Variants in CTNNA3 observed in about 807,000 individuals in gnomAD.
CTNNA3 encodes the protein catenin alpha 3, also known as catenin alpha-3.
Under a neutral mutation model 95.7 loss-of-function variants are expected in CTNNA3, and 76 were observed. The observed-to-expected ratio is 0.79, with a 90% CI of 0.66 to 0.96. The LOEUF (loss-of-function observed/expected upper bound fraction) is 0.96, where lower values mean the gene tolerates loss of function less well. Among genes scored for constraint, CTNNA3 ranks in the 40% least tolerant of loss-of-function variants. The probability of loss-of-function intolerance (pLI) is 0.00; values close to 1 mark genes in which losing one functional copy is unlikely to be tolerated. For synonymous variants in CTNNA3, 431 were observed against 374.4 expected, an observed-to-expected ratio of 1.15 and a Z score of -1.74; for missense variants, 1,191 against 1,089.8, an observed-to-expected ratio of 1.09 and a Z score of -1.31.
At chr10:67,053,754 G>C (rs966631271) in intron 7 of CTNNA3, among the ~76,000 whole-genome samples, 1 of 152,052 alleles carries the variant, frequency 6.6e-6, no homozygotes, top group Non-Finnish European at 1.5e-5. Flanking sequence ...AGTATGAAAC[G>C]AATTCTGCTA....
intron 5 of CTNNA3, among the ~76,000 whole-genome samples, chr10:67,311,414 AC>A (rs2132526278): frequency 6.6e-6 from 1 of 152,298 alleles, no homozygotes; most frequent in East Asian, 1.9e-4. Flanking sequence ...AAAACCAAAT[AC>A]CTGAAAAACT....
chr10:67,701,158 C>A (rs990546460), upstream of CTNNA3, among the ~76,000 whole-genome samples: 1 of 152,150 alleles, frequency 6.6e-6, no homozygotes, highest in Admixed American at 6.5e-5. Flanking sequence ...ATTGGTGTAC[C>A]TGAAAGTGAT....
At chr10:67,049,424 A>C (rs1405718259) in intron 7 of CTNNA3, among the ~76,000 whole-genome samples, 1 of 152,178 alleles carries the variant, frequency 6.6e-6, no homozygotes, top group African/African-American at 2.4e-5. Context: ...AGCCACATAC[A>C]ACTATCAGTA....
At chr10:67,005,421 T>G (rs1851910446) in intron 7 of CTNNA3, among the ~76,000 whole-genome samples, 2 of 152,126 alleles carry the variant, frequency 1.3e-5, no homozygotes, top group African/African-American at 2.4e-5. Context: ...TTCATTGTAT[T>G]TCCTAATTCA....
chr10:66,577,414 A>G (rs1323997400), intron 10 of CTNNA3, among the ~76,000 whole-genome samples: 1 of 152,106 alleles, frequency 6.6e-6, no homozygotes, highest in Non-Finnish European at 1.5e-5. Flanking sequence ...GCCCATGTCC[A>G]GAATGGTATT....
At chr10:67,727,062 A>ATC (rs1841236641) in intron 1 of CTNNA3, among the ~76,000 whole-genome samples, 1 of 113,018 alleles carries the variant, frequency 8.8e-6, no homozygotes, top group African/African-American at 3.9e-5. Context: ...ATATAATTAT[A>ATC]TATAATATAT....
chr10:66,853,249 G>T (rs10997413), intron 7 of CTNNA3, among the ~76,000 whole-genome samples: 1 of 151,476 alleles, frequency 6.6e-6, no homozygotes. Flanking sequence ...GCAGCAGAGA[G>T]TATATGGCTC....
intron 13 of CTNNA3, among the ~76,000 whole-genome samples, chr10:66,251,923 A>C (rs1026533189): frequency 4.6e-5 from 7 of 152,180 alleles, no homozygotes; most frequent in African/African-American, 1.7e-4. Flanking sequence ...TGCCTAACAT[A>C]ATACAACTAC....
At chr10:66,055,996 A>C (rs1358286910) in intron 15 of CTNNA3, among the ~76,000 whole-genome samples, 1 of 150,414 alleles carries the variant, frequency 6.6e-6, no homozygotes, top group Non-Finnish European at 1.5e-5. Context: ...ATTTCTTTTC[A>C]ATTTGAATGA....
At chr10:67,218,143 A>G (rs973996671) in intron 6 of CTNNA3, among the ~76,000 whole-genome samples, 2 of 152,194 alleles carry the variant, frequency 1.3e-5, no homozygotes, top group African/African-American at 4.8e-5. Flanking sequence ...TCTGGTCCCA[A>G]GCATTTCAGA....
chr10:66,951,088 TACACACACACAC>T (rs3056558), intron 7 of CTNNA3, among the ~76,000 whole-genome samples: 6 of 146,066 alleles, frequency 4.1e-5, no homozygotes, highest in African/African-American at 1.5e-4. Context: ...TAACATTAAA[TACACACACACAC>T]ACACACACAC....
chr10:65,968,253 G>T (rs765949455), intron 16 of CTNNA3, among the ~76,000 whole-genome samples: 3 of 152,030 alleles, frequency 2.0e-5, no homozygotes, highest in Non-Finnish European at 4.4e-5. Context: ...TTAGCCAGGT[G>T]TGGTCCCAGC....
chr10:67,648,845 A>G, intron 1 of CTNNA3: 1 of 1,227,874 alleles, frequency 8.1e-7, no homozygotes, highest in Admixed American at 2.4e-5. Context: ...GCTTCAAGAA[A>G]GGCTCCAAAC....
At chr10:66,426,374 C>T (rs2093241237) in intron 11 of CTNNA3, among the ~76,000 whole-genome samples, 1 of 152,052 alleles carries the variant, frequency 6.6e-6, no homozygotes, top group Admixed American at 6.6e-5. Flanking sequence ...AAGTATATTA[C>T]TGATACACTT....
chr10:66,766,635 C>T (rs1839870246), intron 8 of CTNNA3, among the ~76,000 whole-genome samples: 1 of 152,068 alleles, frequency 6.6e-6, no homozygotes, highest in African/African-American at 2.4e-5. Flanking sequence ...CCTTTCCTCT[C>T]AAAAGTAATT....
chr10:66,316,563 T>A (rs1381713588), intron 12 of CTNNA3, among the ~76,000 whole-genome samples: 1 of 151,914 alleles, frequency 6.6e-6, no homozygotes, highest in Non-Finnish European at 1.5e-5. Context: ...CCACACTCAC[T>A]CTGATTGGGA....
chr10:66,321,717 A>G (rs2092188907), intron 12 of CTNNA3, among the ~76,000 whole-genome samples: 1 of 152,102 alleles, frequency 6.6e-6, no homozygotes, highest in Admixed American at 6.5e-5. Flanking sequence ...TGTATTTTCT[A>G]TTGCCAAAAT....
intron 7 of CTNNA3, among the ~76,000 whole-genome samples, chr10:66,810,464 A>G (rs1177850687): frequency 1.3e-5 from 2 of 152,090 alleles, no homozygotes; most frequent in African/African-American, 4.8e-5. Context: ...CATTCTGCTG[A>G]TTCCACTTCA....
chr10:66,556,942 AT>A (rs1564531277), intron 10 of CTNNA3, among the ~76,000 whole-genome samples: 2 of 152,138 alleles, frequency 1.3e-5, no homozygotes, highest in African/African-American at 4.8e-5. Context: ...GTAGTAATCA[AT>A]TCATTATGTA....
Sources: allele counts gnomAD v4.1 joint callset (sites outside exome capture counted in the v4.1 genomes callset), GRCh38; gene constraint gnomAD v4.1.1; transcripts MANE v1.5; gene names NCBI Gene and HGNC (gene_info 2026-07-23, HGNC 2026-07-21).